DTWD2: variants seen among roughly 807,000 people sequenced by gnomAD.
DTWD2 encodes tRNA-uridine aminocarboxypropyltransferase 2.
Under a neutral mutation model 31.8 loss-of-function variants are expected in DTWD2, and 39 were observed. The ratio of observed to expected loss-of-function variants is 1.22; its 90% CI spans 0.95 to 1.60. The LOEUF (loss-of-function observed/expected upper bound fraction) is 1.60, where lower values mean the gene tolerates loss of function less well. Among genes scored for constraint, DTWD2 ranks in the 40% most tolerant of loss-of-function variants. The pLI is 0.00. For missense variants in DTWD2, 515 were observed against 381.5 expected (o/e 1.35, Z -2.92); for synonymous variants, 180 against 142.8 (o/e 1.26, Z -1.86).
At chr5:118,857,768 G>C (rs898202183) in intron 4 of DTWD2, among the ~76,000 whole-genome samples, 4 of 152,168 alleles carry the variant, frequency 2.6e-5, no homozygotes, top group African/African-American at 9.7e-5. Flanking sequence ...GTTCCCACTA[G>C]CCAGAGTGGA....
chr5:118,867,318 G>A (rs1262219080), intron 4 of DTWD2, among the ~76,000 whole-genome samples: 1 of 151,642 alleles, frequency 6.6e-6, no homozygotes, highest in Non-Finnish European at 1.5e-5. Context: ...ATGGATCCAA[G>A]ATAGAATTAC....
intron 4 of DTWD2, among the ~76,000 whole-genome samples, chr5:118,862,348 A>G (rs1752280816): frequency 6.6e-6 from 1 of 152,232 alleles, no homozygotes; most frequent in African/African-American, 2.4e-5. Flanking sequence ...GAGTGTCTGC[A>G]GCATAGTGAG....
At position 118,840,815 on chromosome 5, in the gene DTWD2, C is replaced by T; in HGVS notation, c.*102G>A. ...TGGGTAAGATTAGTATGCAATTCTC[C>T]TTCTTTAGCAAGTCAAAAACCTACA... On this transcript the variant is annotated 3_prime_UTR_variant, in exon 6 of 6. Transcript: ENST00000510708. The T allele has an allele frequency of 9.5e-7, 1 of 1,048,356 alleles. No individual in the cohort carries two copies. The highest frequency in any genetic ancestry group is 1.2e-6 in the Non-Finnish European group (1 of 807,556). The allele number at this position is 1,048,356 out of a possible 1,614,324, so 64.9% of individuals were successfully genotyped here.
At chr5:118,957,023 T>C (rs1041046470) in intron 1 of DTWD2, among the ~76,000 whole-genome samples, 2 of 152,130 alleles carry the variant, frequency 1.3e-5, no homozygotes, top group Admixed American at 6.5e-5. Context: ...CCAATAAAAG[T>C]AGAAATAGCT....
intron 4 of DTWD2, among the ~76,000 whole-genome samples, chr5:118,901,477 C>T (rs190830607): frequency 6.6e-6 from 1 of 152,158 alleles, no homozygotes. Context: ...GCCAGAATGC[C>T]TCTCTGATGA....
intron 4 of DTWD2, among the ~76,000 whole-genome samples, chr5:118,857,487 G>A (rs1752164988): frequency 6.6e-6 from 1 of 151,978 alleles, no homozygotes; most frequent in Non-Finnish European, 1.5e-5. Flanking sequence ...GGCTGTTTAA[G>A]TCTTTTACCC....
intron 1 of DTWD2, among the ~76,000 whole-genome samples, chr5:118,963,272 T>C (rs576167464): frequency 2.1e-4 from 32 of 152,380 alleles, no homozygotes; most frequent in African/African-American, 6.3e-4. Context: ...AATGGTTTCA[T>C]GCAAGACATG....
chr5:118,840,921 A>C lies in DTWD2; in HGVS notation c.893T>G (p.Ile298Ser). The C allele has an allele frequency of 6.2e-7, 1 of 1,613,118 alleles. No homozygotes were observed. The change falls in exon 6 of 6, where the codon ATT becomes AGT. Residue 298 changes from isoleucine (I) to serine (S), a missense_variant. Ile to Ser is a moderately radical substitution (Grantham distance 142, BLOSUM62 -2). Transcript: ENST00000510708. ...KMELLMNSVK[I>S] ...AGCACCAAAAGAATAACTGTACTAA[A>C]TTTTAACACTATTCATTAACAATTC...
intron 4 of DTWD2, among the ~76,000 whole-genome samples, chr5:118,863,373 A>G (rs893798094): frequency 1.3e-5 from 2 of 152,212 alleles, no homozygotes; most frequent in African/African-American, 4.8e-5. Context: ...AATTAATTAC[A>G]TGTCATCATG....
chr5:118,885,175 C>T (rs893150827), intron 4 of DTWD2, among the ~76,000 whole-genome samples: 7 of 149,852 alleles, frequency 4.7e-5, no homozygotes, highest in African/African-American at 1.7e-4. Context: ...AAAAATTGGC[C>T]GGGTGCAGTG....
chr5:118,925,065 A>T (rs1753780466), intron 4 of DTWD2, among the ~76,000 whole-genome samples: 2 of 152,354 alleles, frequency 1.3e-5, no homozygotes, highest in Admixed American at 6.5e-5. Context: ...GGTCAAAGGG[A>T]ATAAAAACTA....
At chr5:118,843,332 AG>A (rs1384037857) in intron 5 of DTWD2, among the ~76,000 whole-genome samples, 2 of 144,794 alleles carry the variant, frequency 1.4e-5, no homozygotes, top group African/African-American at 2.7e-5. Context: ...GAAGGAAGCG[AG>A]GGAGGGAGGG....
intron 1 of DTWD2, among the ~76,000 whole-genome samples, chr5:118,951,796 G>A (rs547639559): frequency 6.6e-5 from 10 of 152,220 alleles, no homozygotes; most frequent in South Asian, 6.2e-4. Context: ...TACTTGCCCC[G>A]CCTCGGGGAG....
intron 1 of DTWD2, among the ~76,000 whole-genome samples, chr5:118,945,482 T>C (rs1212023875): frequency 1.3e-5 from 2 of 152,086 alleles, no homozygotes; most frequent in East Asian, 1.9e-4. Context: ...ATGAAATTCA[T>C]GACTAGGCAC....
rs369923273 is a variant in DTWD2 at position 118,950,006 on chromosome 5, C to T, written c.219-5357G>A. ...CGGGCAGATCACGAGGTCAGGAGAT[C>T]GAGACCATCCTGGCTAACATGGTGA... On this transcript the variant is annotated intron_variant, in intron 1 of 5. Transcript: ENST00000510708. 4.9e-4 allele frequency among the ~76,000 whole-genome samples: 75 copies of T among 152,020 alleles called. 1 individual carries two copies. In the East Asian group the frequency reaches 0.012, roughly 24 times the overall value.
At chr5:118,882,736 T>G (rs1752769201) in intron 4 of DTWD2, among the ~76,000 whole-genome samples, 1 of 152,218 alleles carries the variant, frequency 6.6e-6, no homozygotes, top group Admixed American at 6.5e-5. Context: ...CCTTTAGCAA[T>G]GGCTGGAGAT....
rs114767341 is a variant in DTWD2 at position 118,972,848 on chromosome 5, G to A, written c.218+15446C>T. Among the ~76,000 whole-genome samples the A allele has an allele frequency of 7.7e-3, 1,179 of 152,196 alleles. 18 individuals are homozygous for A. Among genetic ancestry groups the A allele is most frequent in the African/African-American group, 0.027 (1,103 of 41,526 alleles). ...CGTGAATCCATAAGTGTAATTCACC[G>A]CATAAACAAAACTAAAGACAAAAAC... On this transcript the variant is annotated intron_variant, in intron 1 of 5. Coordinates refer to ENST00000510708, the MANE Select transcript of DTWD2 (RefSeq NM_173666.4).
intron 4 of DTWD2, among the ~76,000 whole-genome samples, chr5:118,889,526 G>T (rs1177891365): frequency 6.6e-6 from 1 of 151,762 alleles, no homozygotes; most frequent in Non-Finnish European, 1.5e-5. Context: ...TAACACGGGG[G>T]GATATGCATG....
At chr5:118,917,879 C>T (rs1561454852) in intron 4 of DTWD2, among the ~76,000 whole-genome samples, 1 of 151,894 alleles carries the variant, frequency 6.6e-6, no homozygotes, top group Admixed American at 6.6e-5. Context: ...GCAGGAGAAT[C>T]GCTTGAACCC....
Sources: gnomAD v4.1 joint callset for allele counts (sites outside exome capture counted in the v4.1 genomes callset) on GRCh38, gnomAD v4.1.1 for gene constraint, MANE v1.5 for transcripts, NCBI Gene and HGNC (gene_info 2026-07-23, HGNC 2026-07-21) for gene names.